Variants in ESYT2 observed in about 807,000 individuals in gnomAD.
The protein encoded by ESYT2 is extended synaptotagmin 2.
Under a neutral mutation model 107.2 loss-of-function variants are expected in ESYT2, and 54 were observed. That is an observed-to-expected ratio of 0.50 (90% CI 0.40 to 0.63). The LOEUF (loss-of-function observed/expected upper bound fraction) is 0.63, where lower values mean the gene tolerates loss of function less well. Ranked by LOEUF, ESYT2 falls within the 30% of genes least tolerant of loss-of-function variation. ESYT2 has a pLI of 0.00. For missense variants in ESYT2, 1,020 were observed against 1,094.5 expected (o/e 0.93, Z 0.96); for synonymous variants, 491 against 434.1 (o/e 1.13, Z -1.63).
chr7:158,745,223 A>ACACTCACCTATCTAATGAGACAGGGTCG (rs1563621278), intron 16 of ESYT2, among the ~76,000 whole-genome samples: 87 of 83,468 alleles, frequency 1.0e-3, no homozygotes, highest in African/African-American at 2.9e-3. Flanking sequence ...AGACAGGGTC[A>ACACTCACCTATCTAATGAGACAGGGTCG]GGCAAGCGGC....
intron 6 of ESYT2, among the ~76,000 whole-genome samples, chr7:158,781,657 G>A (rs1838821806): frequency 1.3e-5 from 2 of 150,896 alleles, no homozygotes; most frequent in South Asian, 4.2e-4. Context: ...GAAAGAACAA[G>A]TGAGAACAAG....
intron 15 of ESYT2, among the ~76,000 whole-genome samples, chr7:158,749,311 G>T (rs544881842): frequency 6.6e-6 from 1 of 152,146 alleles, no homozygotes; most frequent in South Asian, 2.1e-4. Flanking sequence ...TAGAGATGAG[G>T]TTTCACCGTA....
intron 14 of ESYT2, among the ~76,000 whole-genome samples, chr7:158,750,764 C>T (rs528520290): frequency 6.6e-6 from 1 of 152,318 alleles, no homozygotes; most frequent in African/African-American, 2.4e-5. Flanking sequence ...CAAGTTTTAG[C>T]TGAGCACAAG....
chr7:158,805,899 T>G (rs1459978535), intron 1 of ESYT2, among the ~76,000 whole-genome samples: 2 of 152,246 alleles, frequency 1.3e-5, no homozygotes, highest in Non-Finnish European at 2.9e-5. Flanking sequence ...ACCAGAGCTA[T>G]GGCAAATTGT....
intron 1 of ESYT2, among the ~76,000 whole-genome samples, chr7:158,802,049 T>C (rs1839662151): frequency 6.6e-6 from 1 of 152,218 alleles, no homozygotes; most frequent in African/African-American, 2.4e-5. Context: ...GAGTCCTTCC[T>C]GCTATGCCCT....
intron 11 of ESYT2, 130 bp downstream of exon 11, chr7:158,761,366 T>C: frequency 1.4e-6 from 1 of 730,430 alleles, no homozygotes; most frequent in Non-Finnish European, 2.4e-6. Flanking sequence ...GTTAAGTAAA[T>C]GTTGTTCATG....
rs77738086 is a variant in ESYT2 at position 158,805,127 on chromosome 7, C to A, written c.331-6055G>T. Reference sequence around the variant, plus strand: ...ATCTCTGCTCGTCCCCACAGCTGGGCTGCTGAACTTAGCAGTAGAGTGACT... The same window carrying A: ...ATCTCTGCTCGTCCCCACAGCTGGGATGCTGAACTTAGCAGTAGAGTGACT... On this transcript the variant is annotated intron_variant, in intron 1 of 22. Coordinates refer to ENST00000275418, the MANE Select transcript of ESYT2 (RefSeq NM_001367773.1). Among the ~76,000 whole-genome samples the A allele has an allele frequency of 4.0e-3, 610 of 152,288 alleles. 31 individuals carry two copies. The East Asian group carries it at 0.1, about 26-fold the overall frequency.
At chr7:158,790,981 T>G (rs1224625191) in intron 4 of ESYT2, among the ~76,000 whole-genome samples, 1 of 152,196 alleles carries the variant, frequency 6.6e-6, no homozygotes, top group Non-Finnish European at 1.5e-5. Context: ...CATAATCATT[T>G]TTAAGTGTAC....
intron 1 of ESYT2, among the ~76,000 whole-genome samples, chr7:158,818,847 G>T (rs1294043850): frequency 2.0e-5 from 3 of 152,240 alleles, no homozygotes; most frequent in African/African-American, 7.2e-5. Context: ...TGAGCTGTGG[G>T]CTCTGCGAGA....
intron 16 of ESYT2, 83 bp downstream of exon 16, chr7:158,748,111 C>A (rs1013854081): frequency 3.9e-6 from 5 of 1,277,728 alleles, no homozygotes; most frequent in Non-Finnish European, 5.6e-6. Flanking sequence ...CAGGTGTATA[C>A]ACGGGTCACA....
At chr7:158,812,768 G>A (rs1045285521) in intron 1 of ESYT2, among the ~76,000 whole-genome samples, 1 of 152,172 alleles carries the variant, frequency 6.6e-6, no homozygotes, top group African/African-American at 2.4e-5. Flanking sequence ...TGATACACTG[G>A]TATACGCTAC....
At chr7:158,826,163 G>A (rs1056222620) in intron 1 of ESYT2, among the ~76,000 whole-genome samples, 34 of 152,178 alleles carry the variant, frequency 2.2e-4, no homozygotes, top group African/African-American at 7.5e-4. Context: ...GGCACACTTC[G>A]AGACCATGCA....
intron 1 of ESYT2, among the ~76,000 whole-genome samples, chr7:158,823,675 C>G (rs892094464): frequency 3.9e-5 from 6 of 152,024 alleles, no homozygotes; most frequent in African/African-American, 1.5e-4. Flanking sequence ...TTCACATACT[C>G]GTCAATGCAC....
At chr7:158,814,626 A>G (rs1840101025) in intron 1 of ESYT2, among the ~76,000 whole-genome samples, 1 of 152,174 alleles carries the variant, frequency 6.6e-6, no homozygotes, top group Admixed American at 6.5e-5. Context: ...ACACCCAGAG[A>G]AACTCCCACT....
At chr7:158,738,382 T>A (rs546764348) in intron 19 of ESYT2, among the ~76,000 whole-genome samples, 1 of 146,868 alleles carries the variant, frequency 6.8e-6, no homozygotes, top group South Asian at 2.2e-4. Flanking sequence ...CACACACTCT[T>A]CCTGCTCTAG....
chr7:158,767,889 A>G (rs772268103), intron 7 of ESYT2, 115 bp from the exon 8 acceptor site: 78 of 1,253,776 alleles, frequency 6.2e-5, no homozygotes, highest in Non-Finnish European at 7.6e-5. Flanking sequence ...TTTACAGAGT[A>G]GGAGTTATCT....
chr7:158,810,224 T>C (rs1372333908), intron 1 of ESYT2, among the ~76,000 whole-genome samples: 2 of 152,218 alleles, frequency 1.3e-5, no homozygotes, highest in Non-Finnish European at 2.9e-5. Context: ...AACCTGTACA[T>C]GAATGCTCAC....
intron 1 of ESYT2, among the ~76,000 whole-genome samples, chr7:158,800,546 C>A (rs751897871): frequency 2.0e-5 from 3 of 151,982 alleles, no homozygotes; most frequent in Non-Finnish European, 4.4e-5. Flanking sequence ...CAGGCATGTG[C>A]CAACTGGCTA....
At chr7:158,811,325 C>A (rs1352472477) in intron 1 of ESYT2, among the ~76,000 whole-genome samples, 3 of 152,080 alleles carry the variant, frequency 2.0e-5, no homozygotes, top group Non-Finnish European at 4.4e-5. Flanking sequence ...AATCAGTGGC[C>A]TAATTCAGAG....
Sources: allele counts gnomAD v4.1 joint callset (sites outside exome capture counted in the v4.1 genomes callset), GRCh38; gene constraint gnomAD v4.1.1; transcripts MANE v1.5; gene names NCBI Gene and HGNC (gene_info 2026-07-23, HGNC 2026-07-21).